HDGFL3: variants seen among roughly 807,000 people sequenced by gnomAD.
The protein encoded by HDGFL3 is hepatoma-derived growth factor-related protein 3.
HDGFL3 carries 6 observed loss-of-function variants against 27.6 expected under a neutral mutation model. That is an observed-to-expected ratio of 0.22 (90% confidence interval 0.12 to 0.43). HDGFL3 has a LOEUF of 0.43. HDGFL3 is among the 20% of genes least tolerant of loss of function. The pLI is 1.00. For missense variants in HDGFL3, 207 were observed against 250.1 expected, an observed-to-expected ratio of 0.83 and a Z score of 1.16; for synonymous variants, 88 against 88.9, an observed-to-expected ratio of 0.99 and a Z score of 0.05.
intron 5 of HDGFL3, chr15:83,144,588 G>A (rs975276335): frequency 6.6e-6 from 3 of 453,916 alleles, no homozygotes; most frequent in African/African-American, 6.0e-5. Context: ...GGAGGCCTCT[G>A]GGAAACAACT....
rs372652453 is a variant in HDGFL3, at chr15:83,129,976, T to C, written c.*9294A>G. On this transcript the variant is annotated 3_prime_UTR_variant, in exon 6 of 6. Transcript: ENST00000299633. Reference sequence around the variant, plus strand: ...TCTTTAGAGGATTAGACTGTTCAGTTTGACAGCTGTTCAGTTTGACACCTA... The same window carrying C: ...TCTTTAGAGGATTAGACTGTTCAGTCTGACAGCTGTTCAGTTTGACACCTA... 1 of 152,210 alleles carries C rather than the reference T, an allele frequency of 6.6e-6. No homozygotes were observed. The highest frequency in any genetic ancestry group is 2.4e-5 in the African/African-American group (1 of 41,444). The allele number at this position is 152,210 out of a possible 1,614,324, so 9.4% of individuals were successfully genotyped here.
At position 83,143,652 on chromosome 15, in the gene HDGFL3, G is replaced by C. The variant is rs186912777; in HGVS notation, c.607-4377C>G. 5.3e-5 allele frequency among the ~76,000 whole-genome samples: 8 copies of C among 152,274 alleles called. No individual in the cohort carries two copies. The East Asian group carries it at 1.6e-3, about 30-fold the overall frequency. On this transcript the variant is annotated intron_variant, in intron 5 of 5. Transcript: ENST00000299633. The stretch of plus-strand genomic sequence containing the variant: ...AATAAATGAGAGTAAACGGTGAGAG[G>C]TAAGACTGCAAAGATAAACTGGGGT...
chr15:83,207,426 C>T lies in HDGFL3; in HGVS notation c.-12G>A. The T allele has an allele frequency of 7.6e-7, 1 of 1,321,014 alleles. No individual in the cohort carries two copies. Among genetic ancestry groups the T allele is most frequent in the African/African-American group, 1.5e-5 (1 of 65,970 alleles). The allele number at this position is 1,321,014 out of a possible 1,614,324, so 81.8% of individuals were successfully genotyped here. On this transcript the variant is annotated 5_prime_UTR_variant, in exon 1 of 6. Coordinates refer to ENST00000299633, the MANE Select transcript of HDGFL3 (RefSeq NM_016073.4). The surrounding 1 kb of genome is among the most constrained non-coding windows in gnomAD (Gnocchi z 4.8). ...CGCGGACGCGCCATCCCAGCCGCTC[C>T]CCTTCCTGGTAGTCCTTGGTCGCCG...
chr15:83,115,491 G>C (rs1488118711), exon 4 of HDGFL3: 2 of 400,282 alleles, frequency 5.0e-6, no homozygotes, highest in Non-Finnish European at 9.6e-6. Flanking sequence ...TGCTCCCACT[G>C]CCCATGTGGG....
At chr15:83,164,188 T>C in intron 1 of HDGFL3, 113 bp from the exon 2 acceptor site, 1 of 714,726 alleles carries the variant, frequency 1.4e-6, no homozygotes, top group Admixed American at 3.2e-5. Flanking sequence ...ACTCAGATAG[T>C]TTTTTAGAAC....
chr15:83,145,122 T>A (rs1267871390), intron 5 of HDGFL3, among the ~76,000 whole-genome samples: 1 of 152,044 alleles, frequency 6.6e-6, no homozygotes, highest in East Asian at 1.9e-4. Flanking sequence ...ATGCATAACA[T>A]CAACCCATCA....
At chr15:83,178,752 T>C (rs2151414562) in intron 1 of HDGFL3, among the ~76,000 whole-genome samples, 1 of 152,332 alleles carries the variant, frequency 6.6e-6, no homozygotes, top group African/African-American at 2.4e-5. Context: ...ATTTAAAACA[T>C]TATATTGTTG....
At chr15:83,193,895 C>T (rs1383577999) in intron 1 of HDGFL3, among the ~76,000 whole-genome samples, 3 of 152,180 alleles carry the variant, frequency 2.0e-5, no homozygotes, top group Non-Finnish European at 4.4e-5. Flanking sequence ...TGGGGCAGTA[C>T]CTGTGCTGCT....
At chr15:83,168,862 T>C (rs80311077) in intron 1 of HDGFL3, among the ~76,000 whole-genome samples, 10,379 of 152,208 alleles carry the variant, frequency 0.068, 473 homozygotes, top group Admixed American at 0.13. Context: ...TGAAAGCAGA[T>C]GCAAAATCCT....
At chr15:83,150,894 T>C (rs2036955640) in intron 5 of HDGFL3, among the ~76,000 whole-genome samples, 1 of 152,226 alleles carries the variant, frequency 6.6e-6, no homozygotes, top group South Asian at 2.1e-4. Context: ...ATAACAGAAA[T>C]ACAACTGTTG....
chr15:83,173,015 T>C (rs1385675329), intron 1 of HDGFL3, among the ~76,000 whole-genome samples: 2 of 152,126 alleles, frequency 1.3e-5, no homozygotes, highest in African/African-American at 2.4e-5. Context: ...CCCACAAACT[T>C]CAATCCTGTG....
rs2036108367 is a variant in HDGFL3 at position 83,130,017 on chromosome 15, G to A, written c.*9253C>T. 1 of 152,260 alleles carries A rather than the reference G, an allele frequency of 6.6e-6. No homozygotes were observed. The highest frequency in any genetic ancestry group is 2.1e-4 in the South Asian group (1 of 4,830). The allele number at this position is 152,260 out of a possible 1,614,324, so 9.4% of individuals were successfully genotyped here. On this transcript the variant is annotated 3_prime_UTR_variant, in exon 6 of 6. Transcript: ENST00000299633. ...TTGACACCTATTACCTGTGTCAATTGTGCTTTGCCTGCACAATCAGGCCTC... is the reference window on the plus strand; with the variant it reads ...TTGACACCTATTACCTGTGTCAATTATGCTTTGCCTGCACAATCAGGCCTC...
chr15:83,197,376 A>G (rs1050139795), intron 1 of HDGFL3, among the ~76,000 whole-genome samples: 1 of 152,248 alleles, frequency 6.6e-6, no homozygotes, highest in Non-Finnish European at 1.5e-5. Flanking sequence ...TGCTTACAGT[A>G]ACTTTTCAGA....
At chr15:83,113,941 G>A (rs2034423350) in exon 4 of HDGFL3, 1 of 152,260 alleles carries the variant, frequency 6.6e-6, no homozygotes, top group Admixed American at 6.5e-5. Flanking sequence ...AGGTGGGGTG[G>A]GAAGGAAGAA....
At position 83,207,315 on chromosome 15, in the gene HDGFL3, C is replaced by T; in HGVS notation, c.84+16G>A. The T allele has an allele frequency of 7.4e-7, 1 of 1,344,408 alleles. No homozygotes were observed. The highest frequency in any genetic ancestry group is 9.6e-7 in the Non-Finnish European group (1 of 1,042,666). 83.3% of individuals were successfully genotyped at this position (1,344,408 alleles called of 1,614,324 possible). A position where few individuals can be genotyped will look rare whatever the true frequency, so the allele number is the denominator to read the frequency against. On this transcript the variant is annotated intron_variant, in intron 1 of 5. Transcript: ENST00000299633. This position sits in a 1 kb window ranked among gnomAD's most constrained non-coding sequence, Gnocchi z 4.8. ...AATGGTGGGCGGGCGGGCCCGCGCG[C>T]GGCCGCGGTACTCACCCGGGCCGGC...
chr15:83,165,661 G>T (rs2037160558), intron 1 of HDGFL3, among the ~76,000 whole-genome samples: 1 of 152,014 alleles, frequency 6.6e-6, no homozygotes, highest in African/African-American at 2.4e-5. Context: ...CAGACATGGT[G>T]ATGGGCACCT....
At chr15:83,195,094 A>G (rs2037553916) in intron 1 of HDGFL3, among the ~76,000 whole-genome samples, 1 of 152,208 alleles carries the variant, frequency 6.6e-6, no homozygotes, top group Admixed American at 6.5e-5. Flanking sequence ...GCTGAAACCC[A>G]GTCTTTTTGT....
intron 4 of HDGFL3, 31 bp from the exon 5 acceptor site, chr15:83,151,392 T>C (rs1489675718): frequency 6.4e-7 from 1 of 1,570,088 alleles, no homozygotes; most frequent in African/African-American, 1.4e-5. Flanking sequence ...AATATTATAG[T>C]CAAAAGCAGA....
rs2037129398 is a variant in HDGFL3 at position 83,163,782 on chromosome 15, A to G, written c.161+217T>C. On this transcript the variant is annotated intron_variant, in intron 2 of 5. Transcript: ENST00000299633. ...GGGTGATGACCAACATTTAAGCAGA[A>G]ACACAAATGACATTCAAAAGCAAAG... is the stretch of plus-strand genomic sequence containing the variant. 4 of 516,128 alleles carry G rather than the reference A, an allele frequency of 7.8e-6. No homozygotes were observed. The South Asian group carries it at 9.3e-5, about 12-fold the overall frequency. 32.0% of individuals were successfully genotyped at this position (516,128 alleles called of 1,614,324 possible). A position where few individuals can be genotyped will look rare whatever the true frequency, so the allele number is the denominator to read the frequency against.
Sources: gnomAD v4.1 joint callset for allele counts (sites outside exome capture counted in the v4.1 genomes callset) on GRCh38, gnomAD v4.1.1 for gene constraint, Gnocchi (gnomAD v3.1) non-coding constraint, MANE v1.5 for transcripts, NCBI Gene and HGNC (gene_info 2026-07-23, HGNC 2026-07-21) for gene names.